EPHB1: variants seen among roughly 807,000 people sequenced by gnomAD.
EPHB1 encodes EPH receptor B1.
In EPHB1, 30 loss-of-function variants were observed where a neutral mutation model predicts 94.4. The ratio of observed to expected loss-of-function variants is 0.32; its 90% CI spans 0.24 to 0.43. The LOEUF (loss-of-function observed/expected upper bound fraction) is 0.43, where lower values mean the gene tolerates loss of function less well. Ranked by LOEUF, EPHB1 falls within the 20% of genes least tolerant of loss-of-function variation. The pLI, the probability that EPHB1 is intolerant of heterozygous loss-of-function variation, is 1.00. For synonymous variants in EPHB1, 522 were observed against 489.1 expected (o/e 1.07, Z -0.89); for missense variants, 1,055 against 1,308.3 (o/e 0.81, Z 2.99).
At chr3:135,178,225 G>GGGGC (rs1553744899) in intron 9 of EPHB1, among the ~76,000 whole-genome samples, 1 of 48,360 alleles carries the variant, frequency 2.1e-5, no homozygotes, top group East Asian at 2.1e-3. Context: ...AGGCCGGGGA[G>GGGGC]GGGGGGTGGA....
intron 12 of EPHB1, among the ~76,000 whole-genome samples, chr3:135,212,131 G>T (rs892035645): frequency 2.0e-5 from 3 of 151,854 alleles, no homozygotes; most frequent in Admixed American, 2.0e-4. Context: ...TCTAATAATT[G>T]TATGTTTTAG....
intron 12 of EPHB1, among the ~76,000 whole-genome samples, chr3:135,239,286 CT>C (rs5852812): frequency 9.3e-5 from 14 of 150,314 alleles, no homozygotes; most frequent in South Asian, 2.1e-4. Flanking sequence ...CTGTTTGCTC[CT>C]TTTTTTTTTC....
At chr3:134,859,078 T>C (rs944914177) in intron 1 of EPHB1, among the ~76,000 whole-genome samples, 1 of 152,210 alleles carries the variant, frequency 6.6e-6, no homozygotes, top group African/African-American at 2.4e-5. Flanking sequence ...TTATAGGGCT[T>C]TTTCTTTTTC....
In EPHB1 at chr3:134,812,948, G is replaced by C. The variant is rs180732313; in HGVS notation, c.58+17259G>C. ...TTTTTTTTGTTGGGTTTTCTGTTTT[G>C]GGTCTGCTTTCAACATGGACGGTTG... On this transcript the variant is annotated intron_variant, in intron 1 of 15. Coordinates refer to ENST00000398015, the MANE Select transcript of EPHB1 (RefSeq NM_004441.5). Among the ~76,000 whole-genome samples, 261 of 152,172 alleles carry C rather than the reference G, an allele frequency of 1.7e-3. 1 individual carries two copies. The highest frequency in any genetic ancestry group is 1.1e-3 in the Non-Finnish European group (77 of 68,006).
At chr3:135,222,243 A>G (rs1943291842) in intron 12 of EPHB1, among the ~76,000 whole-genome samples, 1 of 152,214 alleles carries the variant, frequency 6.6e-6, no homozygotes, top group Admixed American at 6.5e-5. Flanking sequence ...CCAGCAGAAC[A>G]GTTGATGCCT....
intron 3 of EPHB1, among the ~76,000 whole-genome samples, chr3:135,091,117 A>G (rs1194163205): frequency 6.6e-6 from 1 of 152,258 alleles, no homozygotes; most frequent in African/African-American, 2.4e-5. Context: ...TCCCTGATGC[A>G]CACAGAGAGA....
chr3:135,104,863 A>T (rs1358315086), intron 3 of EPHB1, among the ~76,000 whole-genome samples: 2 of 152,226 alleles, frequency 1.3e-5, no homozygotes, highest in Non-Finnish European at 2.9e-5. Context: ...ACCTTAAGTG[A>T]TCAATGGAGT....
intron 1 of EPHB1, among the ~76,000 whole-genome samples, chr3:134,841,898 C>G (rs1254907277): frequency 1.3e-5 from 2 of 151,896 alleles, no homozygotes; most frequent in Non-Finnish European, 2.9e-5. Flanking sequence ...TTGTTTTTTC[C>G]TGGCTGAACT....
At chr3:134,994,983 C>A (rs1020985109) in intron 3 of EPHB1, among the ~76,000 whole-genome samples, 4 of 110,688 alleles carry the variant, frequency 3.6e-5, no homozygotes, top group African/African-American at 1.6e-4. Flanking sequence ...GTTTTACATA[C>A]ACTTGTGTGT....
At chr3:134,839,925 C>A (rs1003542530) in intron 1 of EPHB1, among the ~76,000 whole-genome samples, 1 of 152,130 alleles carries the variant, frequency 6.6e-6, no homozygotes, top group South Asian at 2.1e-4. Context: ...AGGACTGAGA[C>A]CCCCTAAAGG....
At chr3:135,106,634 G>A in intron 4 of EPHB1, 31 bp downstream of exon 4, 3 of 1,609,958 alleles carry the variant, frequency 1.9e-6, no homozygotes, top group Non-Finnish European at 2.5e-6. Flanking sequence ...CTGGGCTGGG[G>A]AGTTTGGTTC....
intron 3 of EPHB1, among the ~76,000 whole-genome samples, chr3:135,005,582 T>G (rs1935369395): frequency 6.6e-6 from 1 of 152,290 alleles, no homozygotes; most frequent in South Asian, 2.1e-4. Context: ...CAGTTTGATC[T>G]CAGACTGCTG....
At chr3:135,058,837 G>C (rs937019076) in intron 3 of EPHB1, among the ~76,000 whole-genome samples, 11 of 152,142 alleles carry the variant, frequency 7.2e-5, no homozygotes, top group Non-Finnish European at 1.6e-4. Flanking sequence ...TCCCTGCAGG[G>C]CTCCTCCAAC....
intron 4 of EPHB1, among the ~76,000 whole-genome samples, chr3:135,127,265 G>A (rs1940242440): frequency 6.6e-6 from 1 of 152,196 alleles, no homozygotes; most frequent in South Asian, 2.1e-4. Flanking sequence ...CTTTTCTGGG[G>A]GAAAAGCTTT....
chr3:135,105,085 C>A (rs994881539), intron 3 of EPHB1, among the ~76,000 whole-genome samples: 5 of 152,268 alleles, frequency 3.3e-5, no homozygotes, highest in Middle Eastern at 3.4e-3. Context: ...GCATGGAAAG[C>A]ACTTAACAAG....
chr3:135,179,373 T>TA (rs201793882), intron 9 of EPHB1, among the ~76,000 whole-genome samples: 1,576 of 152,240 alleles, frequency 0.01, 9 homozygotes, highest in Non-Finnish European at 0.016. Context: ...TCTCTCTTTG[T>TA]AAAAAAATCC....
chr3:135,150,063 C>T (rs1941145659), intron 5 of EPHB1, among the ~76,000 whole-genome samples: 1 of 152,202 alleles, frequency 6.6e-6, no homozygotes, highest in Admixed American at 6.5e-5. Context: ...ACAGGACTGG[C>T]ACAGTGTTTG....
chr3:134,805,531 C>T (rs1560240873), intron 1 of EPHB1, among the ~76,000 whole-genome samples: 2 of 152,152 alleles, frequency 1.3e-5, no homozygotes, highest in African/African-American at 2.4e-5. Context: ...CTGGGTCCAC[C>T]TTGCCTCCTG....
At chr3:134,969,967 C>G (rs1933904182) in intron 3 of EPHB1, among the ~76,000 whole-genome samples, 1 of 152,186 alleles carries the variant, frequency 6.6e-6, no homozygotes, top group East Asian at 1.9e-4. Context: ...AAAATCAAAA[C>G]TTGAAAGTTT....
Sources: allele counts gnomAD v4.1 joint callset (sites outside exome capture counted in the v4.1 genomes callset), GRCh38; gene constraint gnomAD v4.1.1; transcripts MANE v1.5; gene names NCBI Gene and HGNC (gene_info 2026-07-23, HGNC 2026-07-21).